Variants in FLRT2 observed in about 807,000 individuals in gnomAD.
FLRT2 encodes the protein fibronectin leucine rich transmembrane protein 2.
FLRT2 carries 15 observed loss-of-function variants against 40.0 expected under a neutral mutation model. That is an observed-to-expected ratio of 0.38 (90% CI 0.25 to 0.58). The LOEUF (loss-of-function observed/expected upper bound fraction) is 0.58, where lower values mean the gene tolerates loss of function less well. Ranked by LOEUF, FLRT2 falls within the 20% of genes least tolerant of loss-of-function variation. The pLI is 0.71. For synonymous variants in FLRT2, 380 were observed against 336.8 expected (o/e 1.13, Z -1.41); for missense variants, 726 against 840.0 (o/e 0.86, Z 1.68).
At chr14:85,556,924 T>A (rs1889998354) in intron 1 of FLRT2, among the ~76,000 whole-genome samples, 1 of 152,088 alleles carries the variant, frequency 6.6e-6, no homozygotes, top group South Asian at 2.1e-4. Flanking sequence ...GGCCTCAGAA[T>A]CATGGCGGGA....
intron 1 of FLRT2, among the ~76,000 whole-genome samples, chr14:85,556,589 A>G (rs1258994579): frequency 1.3e-5 from 2 of 152,180 alleles, no homozygotes; most frequent in Admixed American, 6.5e-5. Context: ...CCTGGGTTCA[A>G]AGTCTCATTT....
chr14:85,533,927 G>T (rs1430706718), intron 1 of FLRT2, among the ~76,000 whole-genome samples: 1 of 152,146 alleles, frequency 6.6e-6, no homozygotes, highest in Non-Finnish European at 1.5e-5. Flanking sequence ...GTTTGGATCT[G>T]GGGGAGGGCG....
At chr14:85,534,328 C>A (rs1167512564) in intron 1 of FLRT2, among the ~76,000 whole-genome samples, 1 of 152,156 alleles carries the variant, frequency 6.6e-6, no homozygotes, top group Non-Finnish European at 1.5e-5. Context: ...CGCACGCTCC[C>A]CCCTTCACAC....
chr14:85,581,511 C>G (rs1881930360), intron 1 of FLRT2, among the ~76,000 whole-genome samples: 1 of 152,142 alleles, frequency 6.6e-6, no homozygotes, highest in Non-Finnish European at 1.5e-5. Flanking sequence ...GTTCCCTTCC[C>G]CTAGGTTCAC....
chr14:85,551,566 A>G (rs971943073), intron 1 of FLRT2: 1 of 152,194 alleles, frequency 6.6e-6, no homozygotes, highest in African/African-American at 2.4e-5. Flanking sequence ...GCTAATTATC[A>G]TTGTATCCTA....
intron 1 of FLRT2, among the ~76,000 whole-genome samples, chr14:85,555,673 C>T (rs1213495547): frequency 7.8e-6 from 1 of 127,586 alleles, no homozygotes; most frequent in East Asian, 2.2e-4. Context: ...TTAACTATTT[C>T]TCTCTTATCT....
rs577758100 is a variant in FLRT2 at position 85,630,140 on chromosome 14, A to G, written c.*6643A>G. 4 of 152,282 alleles carry G rather than the reference A, an allele frequency of 2.6e-5. No individual in the cohort carries two copies. The East Asian group carries it at 7.7e-4, about 29-fold the overall frequency. The allele number at this position is 152,282 out of a possible 1,614,324, so 9.4% of individuals were successfully genotyped here. The stretch of plus-strand genomic sequence containing the variant: ...GCTCTTTTTTTTTCCCATAACATAG[A>G]TAAAAATGTGTGCTTTAGGGGATAT... On this transcript the variant is annotated 3_prime_UTR_variant, in exon 2 of 2. Transcript: ENST00000330753.
chr14:85,535,925 GT>G, intron 1 of FLRT2, among the ~76,000 whole-genome samples: 1 of 60,668 alleles, frequency 1.6e-5, no homozygotes, highest in Non-Finnish European at 2.9e-5. Context: ...TTTTTTTGTT[GT>G]TGTTGTTGTT....
intron 1 of FLRT2, among the ~76,000 whole-genome samples, chr14:85,578,190 TTA>T (rs1891215711): frequency 2.1e-5 from 3 of 145,854 alleles, no homozygotes; most frequent in Admixed American, 6.9e-5. Context: ...TTATATATAT[TTA>T]TATATATTTA....
chr14:85,633,323 A>G lies in FLRT2; in HGVS notation c.*9826A>G, dbSNP rs991930859. ...CTTTTTTCTCATGGTGTGTGGGATC[A>G]TTGAACAACATGGTTGAACAGAAAG... On this transcript the variant is annotated 3_prime_UTR_variant, in exon 2 of 2. Transcript: ENST00000330753. The G allele has an allele frequency of 2.0e-5, 3 of 152,176 alleles. No individual in the cohort carries two copies. The highest frequency in any genetic ancestry group is 7.2e-5 in the African/African-American group (3 of 41,444). The allele number at this position is 152,176 out of a possible 1,614,324, so 9.4% of individuals were successfully genotyped here. A position where few individuals can be genotyped will look rare whatever the true frequency, so the allele number is the denominator to read the frequency against.
intron 1 of FLRT2, among the ~76,000 whole-genome samples, chr14:85,572,285 G>A (rs537170865): frequency 1.6e-4 from 25 of 152,130 alleles, no homozygotes; most frequent in Non-Finnish European, 2.9e-4. Context: ...TTTAACTCAC[G>A]GTGGTTCCCT....
chr14:85,583,380 C>T (rs2139878785), intron 1 of FLRT2, among the ~76,000 whole-genome samples: 1 of 152,150 alleles, frequency 6.6e-6, no homozygotes, highest in East Asian at 1.9e-4. Context: ...AGCTGGTGTG[C>T]TGAAGTGGCC....
chr14:85,617,543 C>T (rs1439285161), intron 1 of FLRT2, among the ~76,000 whole-genome samples: 1 of 152,088 alleles, frequency 6.6e-6, no homozygotes, highest in African/African-American at 2.4e-5. Flanking sequence ...TGGTCCCCAA[C>T]TTAAAGTCTA....
intron 1 of FLRT2, among the ~76,000 whole-genome samples, chr14:85,568,965 C>T (rs982617727): frequency 1.3e-5 from 2 of 152,108 alleles, no homozygotes; most frequent in African/African-American, 4.8e-5. Context: ...AAGGATTTGC[C>T]TGCCAATCTA....
chr14:85,586,397 T>C (rs1891617386), intron 1 of FLRT2, among the ~76,000 whole-genome samples: 1 of 152,094 alleles, frequency 6.6e-6, no homozygotes, highest in African/African-American at 2.4e-5. Context: ...CAATGTTCAA[T>C]CAATAACATA....
At chr14:85,599,063 T>A (rs2746995) in intron 1 of FLRT2, among the ~76,000 whole-genome samples, 126,462 of 151,622 alleles carry the variant, frequency 0.83, 52,848 homozygotes, top group East Asian at 0.93. Flanking sequence ...GACTACAGGC[T>A]CCCGTCATCA....
At chr14:85,556,969 G>C (rs941430650) in intron 1 of FLRT2, among the ~76,000 whole-genome samples, 4 of 152,132 alleles carry the variant, frequency 2.6e-5, no homozygotes, top group Non-Finnish European at 4.4e-5. Context: ...AGCGGCAAGA[G>C]AAAATGAGGA....
chr14:85,616,947 A>G (rs751834762), intron 1 of FLRT2, among the ~76,000 whole-genome samples: 18 of 152,214 alleles, frequency 1.2e-4, no homozygotes, highest in Non-Finnish European at 2.4e-4. Context: ...TTTTTAGGTT[A>G]TGTTTATTAG....
At chr14:85,614,201 GA>G (rs2139357458) in intron 1 of FLRT2, among the ~76,000 whole-genome samples, 2 of 152,268 alleles carry the variant, frequency 1.3e-5, no homozygotes, top group South Asian at 4.1e-4. Context: ...CTGGGAAGTG[GA>G]AAAGCTGTTC....
Sources: allele counts gnomAD v4.1 joint callset (sites outside exome capture counted in the v4.1 genomes callset), GRCh38; gene constraint gnomAD v4.1.1; transcripts MANE v1.5; gene names NCBI Gene and HGNC (gene_info 2026-07-23, HGNC 2026-07-21).